Variants in AKR1E2 observed in about 807,000 individuals in gnomAD.
AKR1E2 encodes 1,5-anhydro-D-fructose reductase.
AKR1E2 carries 43 observed loss-of-function variants against 41.9 expected under a neutral mutation model. The ratio of observed to expected loss-of-function variants is 1.03; its 90% confidence interval spans 0.80 to 1.32. The LOEUF is 1.32. AKR1E2 is among the 40% of genes most tolerant of loss of function. The probability of loss-of-function intolerance (pLI) is 0.00; values close to 1 mark genes in which losing one functional copy is unlikely to be tolerated. For missense variants in AKR1E2, 423 were observed against 396.5 expected (o/e 1.07, Z -0.57); for synonymous variants, 121 against 138.9 (o/e 0.87, Z 0.91).
chr10:4,855,462 GT>G, the AKR1E2 span, among the ~76,000 whole-genome samples: 2 of 152,022 alleles, frequency 1.3e-5, no homozygotes, highest in East Asian at 3.9e-4. Flanking sequence ...ACCGGATGAG[GT>G]TTCCCCCTTG....
At chr10:4,842,669 G>T (rs1313653910) in intron 8 of AKR1E2, among the ~76,000 whole-genome samples, 165 bp downstream of exon 8, 1 of 152,152 alleles carries the variant, frequency 6.6e-6, no homozygotes, top group East Asian at 1.9e-4. Flanking sequence ...GCGATCAAAG[G>T]ACCCAGGCTC....
intron 6 of AKR1E2, among the ~76,000 whole-genome samples, chr10:4,841,237 C>T (rs767170154): frequency 6.6e-6 from 1 of 152,148 alleles, no homozygotes; most frequent in Non-Finnish European, 1.5e-5. Flanking sequence ...AGTACACACT[C>T]GTTAAAAAAC....
upstream of AKR1E2, among the ~76,000 whole-genome samples, chr10:4,825,213 A>G (rs1280162468): frequency 6.6e-6 from 1 of 152,146 alleles, no homozygotes; most frequent in African/African-American, 2.4e-5. Context: ...CAGCCGCCCC[A>G]TTGAGCAGAA....
At chr10:4,855,997 G>C in the AKR1E2 span, among the ~76,000 whole-genome samples, 1 of 152,172 alleles carries the variant, frequency 6.6e-6, no homozygotes, top group Non-Finnish European at 1.5e-5. Context: ...TCTGTCTGCT[G>C]TCCTAGCCTG....
In AKR1E2 at chr10:4,847,181, G is replaced by T. The variant is rs1326421998; in HGVS notation, c.871G>T (p.Asp291Tyr). ...TTTTGAATTAACACAGCACGATATG[G>T]ATAACATCCTCAGCCTAAACAGGAA... The part of the protein sequence containing the change: ...FDFELTQHDM[D>Y]NILSLNRNLR... The change falls in exon 9 of 10, where the codon GAT becomes TAT. Residue 291 changes from aspartate (D) to tyrosine (Y), a missense_variant. Transcript: ENST00000298375. The T allele has an allele frequency of 1.2e-6, 2 of 1,614,044 alleles. No individual in the cohort carries two copies. Among genetic ancestry groups the T allele is most frequent in the South Asian group, 1.1e-5 (1 of 91,074 alleles).
the AKR1E2 span, among the ~76,000 whole-genome samples, chr10:4,865,564 T>G: frequency 1.3e-5 from 2 of 152,196 alleles, no homozygotes; most frequent in Middle Eastern, 3.2e-3. Flanking sequence ...AAAGTGAATC[T>G]GACAATGAAT....
chr10:4,838,124 G>T (rs1447674594), intron 5 of AKR1E2, among the ~76,000 whole-genome samples: 1 of 152,204 alleles, frequency 6.6e-6, no homozygotes, highest in Non-Finnish European at 1.5e-5. Flanking sequence ...AAGAGTAGAA[G>T]TGCACATGTG....
chr10:4,847,934 C>G lies in AKR1E2; in HGVS notation c.*404C>G, dbSNP rs866209006. ...CAGCCCGCGTCACCTACACTTCCTT[C>G]TGTGCCCTGCCAGTGACCCCCAGGT... On this transcript the variant is annotated 3_prime_UTR_variant, in exon 10 of 10. Transcript: ENST00000298375. The G allele has an allele frequency of 5.6e-6, 1 of 177,222 alleles. No homozygotes were observed. Among genetic ancestry groups the G allele is most frequent in the East Asian group, 1.6e-4 (1 of 6,364 alleles). The allele number at this position is 177,222 out of a possible 1,614,324, so 11.0% of individuals were successfully genotyped here.
intron 8 of AKR1E2, chr10:4,845,984 C>T (rs1834305702): frequency 2.4e-6 from 1 of 420,634 alleles, no homozygotes; most frequent in Non-Finnish European, 4.8e-6. Flanking sequence ...GAAAGGCATC[C>T]AGTGCAGGGG....
In AKR1E2 at chr10:4,833,334, C is replaced by A. The variant is rs1370242938; in HGVS notation, c.208-16C>A. On this transcript the variant is annotated splice_polypyrimidine_tract_variant and intron_variant, in intron 2 of 9. Transcript: ENST00000298375. ...CTGGGTGGGCACGTGTGACGCTGGT[C>A]CCCTCTCCTTTGTAGCTGTGGTGCA... is the stretch of plus-strand genomic sequence containing the variant. 3 of 1,605,688 alleles carry A rather than the reference C, an allele frequency of 1.9e-6. No individual in the cohort carries two copies. The highest frequency in any genetic ancestry group is 1.7e-6 in the Non-Finnish European group (2 of 1,172,384).
chr10:4,872,053 C>T, the AKR1E2 span: 1 of 152,156 alleles, frequency 6.6e-6, no homozygotes. Context: ...TAAGTACAAA[C>T]CCAACTAGTT....
intron 1 of AKR1E2, among the ~76,000 whole-genome samples, chr10:4,830,164 T>G (rs1265160934): frequency 6.6e-6 from 1 of 152,218 alleles, no homozygotes; most frequent in East Asian, 1.9e-4. Flanking sequence ...TTCTAGTCCC[T>G]TCCCTTGCCT....
In AKR1E2 at chr10:4,842,449, A is replaced by G; in HGVS notation, c.782A>G (p.Asn261Ser). 6.2e-7 allele frequency: 1 copy of G among 1,614,206 alleles called. No individual in the cohort carries two copies. Among genetic ancestry groups the G allele is most frequent in the South Asian group, 1.1e-5 (1 of 91,084 alleles). ...QILIRFQIQR[N>S]VIVIPGSITP... ...TTGATCCGATTTCAAATCCAGAGGA[A>G]TGTGATAGTGATCCCCGGATCTATC... The change falls in exon 8 of 10, where the codon AAT (asparagine) becomes AGT (serine). Residue 261 changes from asparagine (N) to serine (S), a missense_variant. Transcript: ENST00000298375.
the AKR1E2 span, among the ~76,000 whole-genome samples, chr10:4,856,039 T>TAG: frequency 6.6e-6 from 1 of 152,196 alleles, no homozygotes; most frequent in Non-Finnish European, 1.5e-5. Flanking sequence ...ATCCCAAACT[T>TAG]ACCAAGGTTT....
the AKR1E2 span, among the ~76,000 whole-genome samples, chr10:4,860,648 ACT>A: frequency 6.6e-6 from 1 of 152,214 alleles, no homozygotes; most frequent in Non-Finnish European, 1.5e-5. Context: ...ATTATTAAAT[ACT>A]CTTAGAGCAT....
chr10:4,858,987 C>A, the AKR1E2 span, among the ~76,000 whole-genome samples: 1 of 151,964 alleles, frequency 6.6e-6, no homozygotes, highest in Non-Finnish European at 1.5e-5. Flanking sequence ...CCACGACCAG[C>A]TAATTTTTGT....
downstream of AKR1E2, among the ~76,000 whole-genome samples, chr10:4,849,666 T>C (rs1415476469): frequency 1.3e-5 from 2 of 152,024 alleles, no homozygotes; most frequent in East Asian, 1.9e-4. Context: ...ACAGTTGCAG[T>C]TGGGAGGAAT....
At chr10:4,866,725 C>T in the AKR1E2 span, among the ~76,000 whole-genome samples, 1 of 148,818 alleles carries the variant, frequency 6.7e-6, no homozygotes, top group African/African-American at 2.5e-5. Context: ...ACTGCAGGCT[C>T]CGGGAGCAGA....
chr10:4,848,925 T>A (rs1194089764), downstream of AKR1E2, among the ~76,000 whole-genome samples: 1 of 152,248 alleles, frequency 6.6e-6, no homozygotes, highest in Non-Finnish European at 1.5e-5. Context: ...GCCCAAGTTA[T>A]GTTCTAGGAA....
Sources: gnomAD v4.1 joint callset for allele counts (sites outside exome capture counted in the v4.1 genomes callset) on GRCh38, gnomAD v4.1.1 for gene constraint, MANE v1.5 for transcripts, NCBI Gene and HGNC (gene_info 2026-07-23, HGNC 2026-07-21) for gene names.